Variants in FAAH2 observed in about 807,000 individuals in gnomAD.
FAAH2 encodes the protein fatty-acid amide hydrolase 2.
FAAH2 carries 60 observed loss-of-function variants against 36.9 expected under a neutral mutation model. The ratio of observed to expected loss-of-function variants is 1.63; its 90% confidence interval spans 1.32 to 2.02. The LOEUF (loss-of-function observed/expected upper bound fraction) is 2.02, where lower values mean the gene tolerates loss of function less well. Ranked by LOEUF, FAAH2 falls within the 30% of genes most tolerant of loss-of-function variation. The pLI, the probability that FAAH2 is intolerant of heterozygous loss-of-function variation, is 0.00. For missense variants in FAAH2, 689 were observed against 397.5 expected, an observed-to-expected ratio of 1.73 and a Z score of -6.23; for synonymous variants, 214 against 143.8, an observed-to-expected ratio of 1.49 and a Z score of -3.49.
At chrX:57,173,405 C>T in the FAAH2 span, among the ~76,000 whole-genome samples, 25 of 112,086 alleles carry the variant, frequency 2.2e-4, no homozygotes, top group African/African-American at 8.1e-4. Context: ...TATAGCAGTG[C>T]TACTGATTTG....
intron 7 of FAAH2, chrX:57,392,539 A>G: frequency 2.6e-6 from 2 of 780,700 alleles, no homozygotes; most frequent in Non-Finnish European, 3.8e-6. Context: ...TCTTCTGGGC[A>G]GGGGCTGACT....
chrX:57,335,612 G>A (rs1329173188), intron 4 of FAAH2, among the ~76,000 whole-genome samples: 1 of 112,340 alleles, frequency 8.9e-6, no homozygotes, highest in African/African-American at 3.2e-5. Flanking sequence ...CCATTGCCCA[G>A]GGATGAGCAG....
chrX:57,335,473 G>T (rs200750042), intron 4 of FAAH2, among the ~76,000 whole-genome samples: 31 of 92,651 alleles, frequency 3.3e-4, no homozygotes, highest in Admixed American at 5.7e-4. Flanking sequence ...CTTTTGATGT[G>T]CATATACATA....
At chrX:57,266,889 A>G in the FAAH2 span, among the ~76,000 whole-genome samples, 1 of 112,373 alleles carries the variant, frequency 8.9e-6, no homozygotes, top group African/African-American at 3.2e-5. Flanking sequence ...CTCTAGGCTC[A>G]ACTTGCTCCC....
intron 3 of FAAH2, among the ~76,000 whole-genome samples, chrX:57,325,050 G>A (rs1472119905): frequency 3.6e-5 from 4 of 111,918 alleles, no homozygotes; most frequent in African/African-American, 1.3e-4. Flanking sequence ...TTAGCATGAA[G>A]GTTGTTGAAT....
intron 10 of FAAH2, among the ~76,000 whole-genome samples, chrX:57,455,456 C>T (rs1236630129): frequency 2.7e-5 from 3 of 110,362 alleles, no homozygotes; most frequent in East Asian, 5.8e-4. Context: ...TAATACTAAC[C>T]CTGAATGTAA....
At chrX:57,300,176 T>C (rs1205839326) in intron 2 of FAAH2, among the ~76,000 whole-genome samples, 5 of 111,541 alleles carry the variant, frequency 4.5e-5, no homozygotes, top group African/African-American at 9.8e-5. Context: ...AGAACAAAGC[T>C]GGAGGCATCA....
intron 4 of FAAH2, among the ~76,000 whole-genome samples, chrX:57,334,140 G>A (rs190650364): frequency 1.8e-5 from 2 of 109,863 alleles, no homozygotes; most frequent in African/African-American, 3.3e-5. Flanking sequence ...CCTGGCAGCA[G>A]GTGCCTGTAA....
the FAAH2 span, among the ~76,000 whole-genome samples, chrX:57,279,986 G>A: frequency 3.2e-4 from 36 of 111,817 alleles, no homozygotes; most frequent in African/African-American, 1.1e-3. Flanking sequence ...GGGAGTTCTA[G>A]CTAGGTCAAT....
chrX:57,458,119 AT>A (rs920424730), intron 10 of FAAH2, among the ~76,000 whole-genome samples: 3 of 111,447 alleles, frequency 2.7e-5, no homozygotes, highest in African/African-American at 9.8e-5. Flanking sequence ...AGGAAACAGA[AT>A]TGAGAACCCA....
At chrX:57,163,231 G>A in the FAAH2 span, among the ~76,000 whole-genome samples, 1 of 111,953 alleles carries the variant, frequency 8.9e-6, no homozygotes, top group African/African-American at 3.2e-5. Flanking sequence ...CAGATCTCCA[G>A]CTGCGTGCTG....
At chrX:57,184,819 G>T in the FAAH2 span, among the ~76,000 whole-genome samples, 1 of 112,116 alleles carries the variant, frequency 8.9e-6, no homozygotes, top group Non-Finnish European at 1.9e-5. Context: ...GAGAAAAAGA[G>T]AAAAGGTTTT....
chrX:57,278,595 T>C, the FAAH2 span, among the ~76,000 whole-genome samples: 2 of 107,020 alleles, frequency 1.9e-5, no homozygotes, highest in Non-Finnish European at 3.8e-5. Flanking sequence ...CTAATAAAAC[T>C]AAAGAGTTTC....
the FAAH2 span, among the ~76,000 whole-genome samples, chrX:57,173,933 G>A: frequency 9.0e-6 from 1 of 111,292 alleles, no homozygotes; most frequent in Non-Finnish European, 1.9e-5. Flanking sequence ...TTATCATGGA[G>A]AATTATCTTT....
intron 5 of FAAH2, among the ~76,000 whole-genome samples, chrX:57,349,375 ATATC>A (rs1225803324): frequency 1.0e-5 from 1 of 98,783 alleles, no homozygotes. Context: ...TGTTTTATAT[ATATC>A]TATTTTAATA....
chrX:57,266,069 C>T, the FAAH2 span, among the ~76,000 whole-genome samples: 1 of 111,716 alleles, frequency 9.0e-6, no homozygotes, highest in Non-Finnish European at 1.9e-5. Context: ...TGACTGGGGG[C>T]TGATGTGGAC....
chrX:57,186,016 G>T, the FAAH2 span, among the ~76,000 whole-genome samples: 1 of 111,365 alleles, frequency 9.0e-6, no homozygotes, highest in Non-Finnish European at 1.9e-5. Flanking sequence ...AAATAGTGCT[G>T]CAAGAAACAT....
the FAAH2 span, among the ~76,000 whole-genome samples, chrX:57,183,139 A>C: frequency 9.0e-6 from 1 of 111,222 alleles, no homozygotes; most frequent in Non-Finnish European, 1.9e-5. Context: ...GTAATGAAGT[A>C]AGGTATACTA....
chrX:57,154,267 CTTTT>C, the FAAH2 span, among the ~76,000 whole-genome samples: 3 of 95,008 alleles, frequency 3.2e-5, no homozygotes. Context: ...TATGTTGTAT[CTTTT>C]TTTTTTTTTT....
Sources: gnomAD v4.1 joint callset for allele counts (sites outside exome capture counted in the v4.1 genomes callset) on GRCh38, gnomAD v4.1.1 for gene constraint, MANE v1.5 for transcripts, NCBI Gene and HGNC (gene_info 2026-07-23, HGNC 2026-07-21) for gene names.